The following ALS2 variants were observed in gnomAD, a reference collection of about 807,000 sequenced individuals.
The protein encoded by ALS2 is alsin.
Under a neutral mutation model 203.4 loss-of-function variants are expected in ALS2, and 117 were observed. The ratio of observed to expected loss-of-function variants is 0.58; its 90% confidence interval spans 0.50 to 0.67. ALS2 has a LOEUF of 0.67. Ranked by LOEUF, ALS2 falls within the 30% of genes least tolerant of loss-of-function variation. The pLI, the probability that ALS2 is intolerant of heterozygous loss-of-function variation, is 0.00. For synonymous variants in ALS2, 718 were observed against 725.9 expected, an observed-to-expected ratio of 0.99 and a Z score of 0.17; for missense variants, 1,715 against 1,989.4, an observed-to-expected ratio of 0.86 and a Z score of 2.62.
chr2:201,754,429 G>A, intron 6 of ALS2, 74 bp downstream of exon 6: 1 of 1,584,882 alleles, frequency 6.3e-7, no homozygotes, highest in East Asian at 2.2e-5. Context: ...AGGAAAGTGA[G>A]ATTTAGAGAC....
intron 1 of ALS2, among the ~76,000 whole-genome samples, chr2:201,772,770 T>C (rs572825933): frequency 6.6e-6 from 1 of 152,254 alleles, no homozygotes; most frequent in East Asian, 1.9e-4. Flanking sequence ...TTTTATGTAC[T>C]TTGAACATTT....
chr2:201,763,387 C>A, intron 3 of ALS2: 1 of 210,440 alleles, frequency 4.8e-6, no homozygotes, highest in Admixed American at 5.4e-5. Context: ...GCTGCACTGC[C>A]ACCCTGGCCA....
rs1282368903 is a variant in ALS2, at chr2:201,709,908, T to C, written c.4253A>G (p.Tyr1418Cys). The C allele has an allele frequency of 1.2e-6, 2 of 1,614,048 alleles. No homozygotes were observed. Among genetic ancestry groups the C allele is most frequent in the Non-Finnish European group, 1.7e-6 (2 of 1,180,008 alleles). The change falls in exon 27 of 34, where the codon TAT becomes TGT. Residue 1418 changes from tyrosine to cysteine, a missense_variant. Around this residue, in one of 3 missense-constraint regions of ALS2, gnomAD observed 1,227 missense variants for 1,413.5 expected, o/e 0.87. Coordinates refer to ENST00000264276, the MANE Select transcript of ALS2 (RefSeq NM_020919.4). ...LQEAVKEIKS[Y>C]LKRIFQLVRF... ...CACCAGCTGGAAAATTCGCTTAAGA[T>C]AGGACTTAATCTCCTTTACAGCCTC...
At chr2:201,780,398 T>G (rs1694846875) in intron 1 of ALS2, among the ~76,000 whole-genome samples, 1 of 152,220 alleles carries the variant, frequency 6.6e-6, no homozygotes, top group African/African-American at 2.4e-5. Flanking sequence ...TAGCCCTTGG[T>G]CCACTCTTCA....
rs991252936 is a variant in ALS2 at position 201,711,823 on chromosome 2, T to C, written c.4005-715A>G. ...GATCTTTGTGGTAGCAACATAATTT[T>C]ATATAAAGAGTTCATTCATTTTCAC... is the stretch of plus-strand genomic sequence containing the variant. On this transcript the variant is annotated intron_variant, in intron 25 of 33. Transcript: ENST00000264276. 5.5e-4 allele frequency among the ~76,000 whole-genome samples: 82 copies of C among 148,786 alleles called. 1 individual carries two copies. Among genetic ancestry groups the C allele is most frequent in the Middle Eastern group, 3.4e-3 (1 of 294 alleles).
At chr2:201,720,778 T>C (rs536444816) in intron 23 of ALS2, among the ~76,000 whole-genome samples, 2 of 152,012 alleles carry the variant, frequency 1.3e-5, no homozygotes, top group Non-Finnish European at 1.5e-5. Flanking sequence ...TAGAAAACAA[T>C]GTAAAGATGT....
At chr2:201,723,166 G>A in intron 22 of ALS2, 46 bp from the exon 23 acceptor site, 1 of 1,527,794 alleles carries the variant, frequency 6.5e-7, no homozygotes, top group Non-Finnish European at 9.1e-7. Context: ...AAAATACAGA[G>A]TAACTTAAGA....
chr2:201,723,329 C>A lies in ALS2; in HGVS notation c.3624+1G>T. 2 of 1,602,974 alleles carry A rather than the reference C, an allele frequency of 1.2e-6. No homozygotes were observed. Among genetic ancestry groups the A allele is most frequent in the Non-Finnish European group, 1.7e-6 (2 of 1,169,906 alleles). On this transcript the variant is annotated splice_donor_variant, in intron 22 of 33. Coordinates refer to ENST00000264276, the MANE Select transcript of ALS2 (RefSeq NM_020919.4). LOFTEE classifies it high-confidence loss of function. The stretch of plus-strand genomic sequence containing the variant: ...TAACTACATGCAAATATTCCACTCA[C>A]CATCATTTTATTAAGGTGAAAGTTG...
In ALS2 at chr2:201,741,799, G is replaced by C. The variant is rs901603791; in HGVS notation, c.2226C>G (p.Phe742Leu). 6.2e-7 allele frequency: 1 copy of C among 1,614,150 alleles called. No individual in the cohort carries two copies. Among genetic ancestry groups the C allele is most frequent in the Non-Finnish European group, 8.5e-7 (1 of 1,180,018 alleles). The stretch of plus-strand genomic sequence containing the variant: ...GACCAATGAGGTAACACAGCTTGCT[G>C]AATCGGCTAGCCACCTCCTGCAACA... Reference protein sequence around the residue: ...VQLLQEVASRFSKLCYLIGQH... With the variant: ...VQLLQEVASRLSKLCYLIGQH... Residue 742 changes from phenylalanine to leucine, a missense_variant, in exon 11 of 34, where the codon TTC (phenylalanine) becomes TTG (leucine). Physicochemically the swap from Phe to Leu is conservative, Grantham distance 22. Transcript: ENST00000264276.
intron 24 of ALS2, among the ~76,000 whole-genome samples, chr2:201,717,262 C>T (rs538110788): frequency 5.9e-5 from 9 of 151,840 alleles, no homozygotes; most frequent in South Asian, 4.2e-4. Flanking sequence ...GTCAGGAGTT[C>T]GAGACCAGCC....
intron 4 of ALS2, chr2:201,760,297 C>G (rs989062787): frequency 1.4e-4 from 135 of 965,604 alleles, no homozygotes; most frequent in Non-Finnish European, 1.6e-4. Flanking sequence ...GGTGACAGAG[C>G]AAGACCCCAT....
chr2:201,774,715 T>C (rs1470954478), intron 1 of ALS2, among the ~76,000 whole-genome samples: 2 of 152,208 alleles, frequency 1.3e-5, no homozygotes, highest in African/African-American at 4.8e-5. Flanking sequence ...AACTTGCAAA[T>C]GCTTAAATTT....
chr2:201,729,879 CAAAAAAA>C (rs35065446), intron 13 of ALS2, among the ~76,000 whole-genome samples: 3 of 75,218 alleles, frequency 4.0e-5, no homozygotes, highest in African/African-American at 1.5e-4. Context: ...GACTCCGTCT[CAAAAAAA>C]AAAAAAAAAA....
chr2:201,706,757 AAT>A (rs1412668456), intron 29 of ALS2, 87 bp downstream of exon 29: 3 of 1,322,788 alleles, frequency 2.3e-6, no homozygotes, highest in South Asian at 2.4e-5. Context: ...CCATATATAT[AAT>A]TAGATATCAA....
chr2:201,701,828 C>CAGTTTTCA lies in ALS2; in HGVS notation c.*15_*22dup, dbSNP rs1689408898. On this transcript the variant is annotated 3_prime_UTR_variant, in exon 34 of 34. Transcript: ENST00000264276. ...TTATAACACTCTGTAGTAGATAATCCAGTTTTCAAGCTGTTATGCAGCCTA... is the reference window on the plus strand; with the variant it reads ...TTATAACACTCTGTAGTAGATAATCCAGTTTTCAAGTTTTCAAGCTGTTATGCAGCCTA... The CAGTTTTCA allele has an allele frequency of 6.2e-7, 1 of 1,612,046 alleles. No individual in the cohort carries two copies. The highest frequency in any genetic ancestry group is 8.5e-7 in the Non-Finnish European group (1 of 1,178,362).
chr2:201,754,160 C>T (rs1358074433), intron 6 of ALS2, among the ~76,000 whole-genome samples: 1 of 151,958 alleles, frequency 6.6e-6, no homozygotes, highest in African/African-American at 2.4e-5. Context: ...TTATAGGAGC[C>T]CACCACCATG....
Position 201,760,985 on chromosome 2 carries a change from G to C in ALS2, c.1009C>G (p.Pro337Ala), listed in dbSNP as rs752311938. ...TTEISSARNI[P>A]SYPDTQAVNE... ...ACTGCTTGGGTGTCAGGGTATGATG[G>C]TATGTTTCTGGCAGAGGAAATTTCA... The change falls in exon 4 of 34, where the codon CCA becomes GCA. Residue 337 changes from proline (P) to alanine (A), a missense_variant. Coordinates refer to ENST00000264276, the MANE Select transcript of ALS2 (RefSeq NM_020919.4). The C allele has an allele frequency of 6.2e-7, 1 of 1,614,144 alleles. No individual in the cohort carries two copies. Among genetic ancestry groups the C allele is most frequent in the Non-Finnish European group, 8.5e-7 (1 of 1,180,028 alleles).
intron 4 of ALS2, among the ~76,000 whole-genome samples, chr2:201,758,856 T>G (rs1484553925): frequency 6.6e-6 from 1 of 152,110 alleles, no homozygotes; most frequent in African/African-American, 2.4e-5. Flanking sequence ...GCGAAGTGCC[T>G]GACATGTAAG....
chr2:201,746,390 T>C (rs954276358), intron 9 of ALS2, among the ~76,000 whole-genome samples, 176 bp downstream of exon 9: 19 of 152,210 alleles, frequency 1.2e-4, no homozygotes, highest in Non-Finnish European at 7.3e-5. Context: ...TCGATGGTGA[T>C]AGGCCCTTTG....
Sources: allele counts gnomAD v4.1 joint callset (sites outside exome capture counted in the v4.1 genomes callset), GRCh38; gene constraint gnomAD v4.1.1; regional missense constraint gnomAD v4.1.1; transcripts MANE v1.5; gene names NCBI Gene and HGNC (gene_info 2026-07-23, HGNC 2026-07-21).